Variants in PREX2 observed in about 807,000 individuals in gnomAD.
The protein encoded by PREX2 is phosphatidylinositol-3,4,5-trisphosphate dependent Rac exchange factor 2, also known as phosphatidylinositol 3,4,5-trisphosphate-dependent Rac exchanger 2 protein.
A neutral mutation model predicts 203.2 loss-of-function variants in PREX2; 107 were observed. The ratio of observed to expected loss-of-function variants is 0.53; its 90% CI spans 0.45 to 0.62. PREX2 has a LOEUF of 0.62. PREX2 is among the 20% of genes least tolerant of loss of function. PREX2 has a pLI of 0.00. For missense variants in PREX2, 1,777 were observed against 1,955.9 expected, an observed-to-expected ratio of 0.91 and a Z score of 1.72; for synonymous variants, 672 against 663.6, an observed-to-expected ratio of 1.01 and a Z score of -0.19.
intron 35 of PREX2, among the ~76,000 whole-genome samples, chr8:68,161,509 G>T (rs1280649548): frequency 1.3e-5 from 2 of 152,046 alleles, no homozygotes; most frequent in Non-Finnish European, 2.9e-5. Flanking sequence ...TAAGTTTTTA[G>T]AAAAACTAAA....
At chr8:68,169,998 G>A (rs1326265238) in intron 35 of PREX2, among the ~76,000 whole-genome samples, 3 of 152,242 alleles carry the variant, frequency 2.0e-5, no homozygotes, top group African/African-American at 7.2e-5. Flanking sequence ...GTAATTCAGA[G>A]GAGGTGGTTA....
chr8:68,100,325 C>T, intron 23 of PREX2: 1 of 390,762 alleles, frequency 2.6e-6, no homozygotes, highest in South Asian at 2.0e-5. Context: ...GTTCTAGGTT[C>T]CAGGAATATA....
intron 8 of PREX2, among the ~76,000 whole-genome samples, chr8:68,052,721 A>C (rs1453047199): frequency 6.6e-6 from 1 of 152,222 alleles, no homozygotes; most frequent in Non-Finnish European, 1.5e-5. Flanking sequence ...AAGAAACATT[A>C]GAAAGATAAA....
At chr8:68,185,288 C>T (rs1812167885) in intron 35 of PREX2, among the ~76,000 whole-genome samples, 1 of 151,020 alleles carries the variant, frequency 6.6e-6, no homozygotes, top group South Asian at 2.1e-4. Context: ...TATTTAATTT[C>T]CTTATAATGT....
chr8:68,080,610 A>C, intron 16 of PREX2, 25 bp downstream of exon 16: 1 of 1,561,758 alleles, frequency 6.4e-7, no homozygotes, highest in Non-Finnish European at 8.7e-7. Flanking sequence ...ATGTTATATA[A>C]GTTTTCTTCT....
chr8:68,206,335 A>C (rs573385874), intron 37 of PREX2, among the ~76,000 whole-genome samples: 16 of 152,304 alleles, frequency 1.1e-4, no homozygotes, highest in African/African-American at 2.6e-4. Context: ...GTTCAGTTGA[A>C]ATCTGTGCTT....
chr8:67,952,381 C>A lies in PREX2; in HGVS notation c.-14C>A, dbSNP rs1475226955. The stretch of plus-strand genomic sequence containing the variant: ...GCACGGCGGGCAGCGCCGCGCTGCG[C>A]ACCGCCGCCGACCATGAGCGAGGAC... On this transcript the variant is annotated 5_prime_UTR_variant, in exon 1 of 40. Transcript: ENST00000288368. 1.3e-6 allele frequency: 2 copies of A among 1,525,372 alleles called. No homozygotes were observed. The highest frequency in any genetic ancestry group is 1.8e-6 in the Non-Finnish European group (2 of 1,137,728). 94.5% of individuals were successfully genotyped at this position (1,525,372 alleles called of 1,614,324 possible).
chr8:67,987,692 C>A (rs1242591674), intron 1 of PREX2, among the ~76,000 whole-genome samples: 2 of 152,190 alleles, frequency 1.3e-5, no homozygotes, highest in African/African-American at 2.4e-5. Context: ...AGCGCCTTTT[C>A]CCCTGCAACC....
chr8:68,159,388 T>C lies in PREX2; in HGVS notation c.4346+1952T>C, dbSNP rs960160136. 3.3e-5 allele frequency among the ~76,000 whole-genome samples: 5 copies of C among 152,206 alleles called. No homozygotes were observed. In the East Asian group the frequency reaches 9.6e-4, roughly 29 times the overall value. ...CATAAAGTGCAAGAAGAATAGTGAATGGCCATATAGTCTCTTTTAAGTTGG... is the reference window on the plus strand; with the variant it reads ...CATAAAGTGCAAGAAGAATAGTGAACGGCCATATAGTCTCTTTTAAGTTGG... On this transcript the variant is annotated intron_variant, in intron 35 of 39. Coordinates refer to ENST00000288368, the MANE Select transcript of PREX2 (RefSeq NM_024870.4).
intron 9 of PREX2, among the ~76,000 whole-genome samples, chr8:68,053,551 T>A (rs2129611138): frequency 6.6e-6 from 1 of 152,314 alleles, no homozygotes; most frequent in African/African-American, 2.4e-5. Flanking sequence ...TTTTTTTAAA[T>A]AGAAAATTTG....
Position 68,224,525 on chromosome 8 carries a change from C to T in PREX2, c.4708-34C>T, listed in dbSNP as rs374862074. ...GGTATGTTAAATTATTACTAACACA[C>T]TGTAGGGATAAAAGTGATTTTCCTG... On this transcript the variant is annotated intron_variant, in intron 38 of 39. Transcript: ENST00000288368. 2.6e-5 allele frequency: 40 copies of T among 1,536,564 alleles called. No individual in the cohort carries two copies. The African/African-American group carries it at 4.8e-4, about 18-fold the overall frequency.
At chr8:68,036,446 A>T (rs976490798) in intron 6 of PREX2, among the ~76,000 whole-genome samples, 1 of 152,182 alleles carries the variant, frequency 6.6e-6, no homozygotes, top group African/African-American at 2.4e-5. Flanking sequence ...TAACCCTTTC[A>T]TAATGCAACA....
intron 38 of PREX2, among the ~76,000 whole-genome samples, chr8:68,218,004 T>C (rs547599121): frequency 1.2e-3 from 129 of 103,380 alleles, no homozygotes; most frequent in Non-Finnish European, 1.9e-3. Context: ...GAATTTGGCG[T>C]TTATGTAAGG....
chr8:68,146,494 T>C, intron 34 of PREX2, 142 bp downstream of exon 34: 1 of 721,128 alleles, frequency 1.4e-6, no homozygotes, highest in Non-Finnish European at 2.2e-6. Flanking sequence ...TCTGGGAATG[T>C]TTATTAAGGA....
chr8:68,127,176 A>G (rs1318288361), intron 30 of PREX2, among the ~76,000 whole-genome samples: 1 of 152,086 alleles, frequency 6.6e-6, no homozygotes, highest in African/African-American at 2.4e-5. Context: ...ATGTCAAGTG[A>G]ATTGATTTTT....
chr8:68,211,907 T>C (rs533563648), intron 37 of PREX2, among the ~76,000 whole-genome samples: 45 of 152,312 alleles, frequency 3.0e-4, no homozygotes, highest in Non-Finnish European at 5.4e-4. Context: ...TGAAGATGCT[T>C]TGAATACAGT....
intron 34 of PREX2, among the ~76,000 whole-genome samples, chr8:68,151,356 G>A (rs1380381163): frequency 2.6e-5 from 4 of 152,072 alleles, no homozygotes; most frequent in South Asian, 2.1e-4. Flanking sequence ...GGCCGAGGCT[G>A]TAGTGAATTA....
At chr8:68,165,511 CA>C (rs940323940) in intron 35 of PREX2, among the ~76,000 whole-genome samples, 8 of 152,096 alleles carry the variant, frequency 5.3e-5, no homozygotes, top group Admixed American at 4.6e-4. Context: ...AGGCATTCCC[CA>C]GAACCAGAAG....
At chr8:68,070,469 T>C (rs1241457840) in intron 13 of PREX2, among the ~76,000 whole-genome samples, 1 of 152,034 alleles carries the variant, frequency 6.6e-6, no homozygotes, top group Non-Finnish European at 1.5e-5. Flanking sequence ...GTTTATCTCT[T>C]TAGAAAGGCA....
Sources: allele counts gnomAD v4.1 joint callset (sites outside exome capture counted in the v4.1 genomes callset), GRCh38; gene constraint gnomAD v4.1.1; transcripts MANE v1.5; gene names NCBI Gene and HGNC (gene_info 2026-07-23, HGNC 2026-07-21).